The following KLHL32 variants were observed in gnomAD, a reference collection of about 807,000 sequenced individuals.
The protein encoded by KLHL32 is kelch-like protein 32.
KLHL32 carries 35 observed loss-of-function variants against 64.8 expected under a neutral mutation model. That is an observed-to-expected ratio of 0.54 (90% CI 0.41 to 0.72). KLHL32 has a LOEUF of 0.72. Among genes scored for constraint, KLHL32 ranks in the 30% least tolerant of loss-of-function variants. The probability of loss-of-function intolerance (pLI) is 0.00; values close to 1 mark genes in which losing one functional copy is unlikely to be tolerated. For synonymous variants in KLHL32, 259 were observed against 281.0 expected (o/e 0.92, Z 0.78); for missense variants, 589 against 768.5 (o/e 0.77, Z 2.76).
intron 1 of KLHL32, among the ~76,000 whole-genome samples, chr6:96,932,574 C>A (rs543685078): frequency 3.7e-5 from 5 of 133,988 alleles, no homozygotes; most frequent in Admixed American, 2.2e-4. Context: ...TCCCCCCCCC[C>A]CTTTTTTTTT....
chr6:96,969,029 G>A (rs1336403473), intron 2 of KLHL32, among the ~76,000 whole-genome samples: 13 of 152,114 alleles, frequency 8.5e-5, no homozygotes, highest in Non-Finnish European at 1.6e-4. Context: ...CCTAACTGTA[G>A]TCGGGGTCAT....
At chr6:96,985,381 T>C (rs11966330) in intron 3 of KLHL32, among the ~76,000 whole-genome samples, 130 of 152,316 alleles carry the variant, frequency 8.5e-4, no homozygotes, top group African/African-American at 3.0e-3. Context: ...AGTATCTTTG[T>C]GGCATTCTCT....
At chr6:96,978,542 C>CACTTTA (rs1204867674) in intron 3 of KLHL32, among the ~76,000 whole-genome samples, 2 of 152,110 alleles carry the variant, frequency 1.3e-5, no homozygotes, top group African/African-American at 4.8e-5. Context: ...TCCTGTCTAC[C>CACTTTA]ACTGATGGTC....
At chr6:97,045,231 T>G (rs1785744516) in intron 4 of KLHL32, among the ~76,000 whole-genome samples, 1 of 152,210 alleles carries the variant, frequency 6.6e-6, no homozygotes, top group East Asian at 1.9e-4. Context: ...ATTTCAAGAC[T>G]TAGGAAATTA....
intron 3 of KLHL32, among the ~76,000 whole-genome samples, chr6:97,008,009 G>A (rs139629318): frequency 6.6e-6 from 1 of 152,198 alleles, no homozygotes; most frequent in Non-Finnish European, 1.5e-5. Flanking sequence ...TGAATTGCCT[G>A]GGATGTGGGA....
chr6:97,067,357 AG>A (rs1657630170), intron 5 of KLHL32, among the ~76,000 whole-genome samples: 1 of 152,338 alleles, frequency 6.6e-6, no homozygotes, highest in Middle Eastern at 3.4e-3. Flanking sequence ...CTATTTAATT[AG>A]CCCCCTAATT....
intron 1 of KLHL32, among the ~76,000 whole-genome samples, chr6:96,955,651 C>T (rs920006010): frequency 4.6e-5 from 7 of 152,006 alleles, no homozygotes; most frequent in Non-Finnish European, 8.8e-5. Context: ...AAAGACATAC[C>T]CGAGGCCAGG....
intron 1 of KLHL32, among the ~76,000 whole-genome samples, chr6:96,936,237 A>G (rs1247101001): frequency 6.6e-6 from 1 of 152,212 alleles, no homozygotes; most frequent in African/African-American, 2.4e-5. Flanking sequence ...TTTTAAATAG[A>G]CATGTCTACA....
intron 3 of KLHL32, among the ~76,000 whole-genome samples, chr6:96,978,036 A>G (rs967865222): frequency 6.6e-6 from 1 of 152,198 alleles, no homozygotes; most frequent in Non-Finnish European, 1.5e-5. Flanking sequence ...TTCAGATTGT[A>G]TGCAGATTAT....
intron 3 of KLHL32, among the ~76,000 whole-genome samples, chr6:96,983,587 A>G (rs952110784): frequency 6.6e-6 from 1 of 152,296 alleles, no homozygotes; most frequent in East Asian, 1.9e-4. Flanking sequence ...CAGAGATTCA[A>G]CTTCTTCCTG....
chr6:96,946,247 A>C (rs972050562), intron 1 of KLHL32, among the ~76,000 whole-genome samples: 2 of 152,198 alleles, frequency 1.3e-5, no homozygotes, highest in African/African-American at 4.8e-5. Context: ...GAATAGATAT[A>C]TAATATCTAT....
chr6:96,908,689 TC>T, the KLHL32 span, among the ~76,000 whole-genome samples: 1 of 152,162 alleles, frequency 6.6e-6, no homozygotes, highest in Non-Finnish European at 1.5e-5. Context: ...TTAGACATCA[TC>T]TAGGATAATC....
chr6:96,958,312 G>T (rs1773493283), intron 1 of KLHL32, among the ~76,000 whole-genome samples: 1 of 152,180 alleles, frequency 6.6e-6, no homozygotes. Context: ...GGTGCTATTG[G>T]ATCATATAGG....
chr6:96,983,332 T>C (rs1215563095), intron 3 of KLHL32, among the ~76,000 whole-genome samples: 2 of 151,866 alleles, frequency 1.3e-5, no homozygotes, highest in African/African-American at 4.8e-5. Flanking sequence ...GATATTGGTC[T>C]AAAATTCTCT....
chr6:97,062,191 C>T (rs934781542), intron 4 of KLHL32: 8 of 150,250 alleles, frequency 5.3e-5, no homozygotes, highest in Non-Finnish European at 1.5e-5. Context: ...TCTTGTCTCT[C>T]TGTGATCACT....
chr6:97,004,266 G>C, intron 3 of KLHL32, among the ~76,000 whole-genome samples: 1 of 152,070 alleles, frequency 6.6e-6, no homozygotes, highest in East Asian at 1.9e-4. Flanking sequence ...TCTTGATTTG[G>C]CTTTCAGCTT....
At chr6:96,908,386 G>A in the KLHL32 span, among the ~76,000 whole-genome samples, 1 of 152,148 alleles carries the variant, frequency 6.6e-6, no homozygotes, top group African/African-American at 2.4e-5. Context: ...AACTGGGCTC[G>A]CCTAATGATT....
At chr6:96,918,590 A>G in the KLHL32 span, among the ~76,000 whole-genome samples, 6 of 152,210 alleles carry the variant, frequency 3.9e-5, no homozygotes, top group African/African-American at 1.4e-4. Flanking sequence ...GATCCCACAC[A>G]AAGTTCTAAG....
At chr6:97,007,679 C>T (rs186037225) in intron 3 of KLHL32, among the ~76,000 whole-genome samples, 2 of 152,090 alleles carry the variant, frequency 1.3e-5, no homozygotes, top group Non-Finnish European at 2.9e-5. Flanking sequence ...ATCTTTGATA[C>T]CCTTGGGAGT....
Sources: allele counts gnomAD v4.1 joint callset (sites outside exome capture counted in the v4.1 genomes callset), GRCh38; gene constraint gnomAD v4.1.1; transcripts MANE v1.5; gene names NCBI Gene and HGNC (gene_info 2026-07-23, HGNC 2026-07-21).